The following CALN1 variants were observed in gnomAD, a reference collection of about 807,000 sequenced individuals.
CALN1 encodes calcium-binding protein 8.
Under a neutral mutation model 30.6 loss-of-function variants are expected in CALN1, and 17 were observed. That is an observed-to-expected ratio of 0.56 (90% CI 0.38 to 0.83). The LOEUF (loss-of-function observed/expected upper bound fraction) is 0.83. Among genes scored for constraint, CALN1 ranks in the 40% least tolerant of loss-of-function variants. CALN1 has a pLI of 0.00. For synonymous variants in CALN1, 156 were observed against 131.4 expected (o/e 1.19, Z -1.28); for missense variants, 291 against 354.9 (o/e 0.82, Z 1.45).
intron 5 of CALN1, among the ~76,000 whole-genome samples, chr7:71,920,474 T>C (rs1427437723): frequency 1.3e-5 from 2 of 151,654 alleles, no homozygotes; most frequent in African/African-American, 4.8e-5. Flanking sequence ...TAGCTGAGAC[T>C]GCAGGTGCCC....
At chr7:72,151,054 C>G (rs1053300774) in intron 3 of CALN1, among the ~76,000 whole-genome samples, 1 of 152,172 alleles carries the variant, frequency 6.6e-6, no homozygotes, top group African/African-American at 2.4e-5. Context: ...TAGATTCTCA[C>G]AAGCTCATCA....
intron 3 of CALN1, among the ~76,000 whole-genome samples, chr7:72,260,646 C>T (rs1220745693): frequency 6.6e-6 from 1 of 152,118 alleles, no homozygotes; most frequent in Non-Finnish European, 1.5e-5. Flanking sequence ...CAATCATGCA[C>T]CTGAAACCCT....
intron 5 of CALN1, among the ~76,000 whole-genome samples, chr7:71,980,338 C>T (rs549445488): frequency 1.3e-5 from 2 of 151,342 alleles, no homozygotes; most frequent in Non-Finnish European, 2.9e-5. Context: ...AGGTGTGCAC[C>T]ACCACGTCCA....
At chr7:71,984,531 G>C (rs965543264) in intron 5 of CALN1, among the ~76,000 whole-genome samples, 1 of 152,176 alleles carries the variant, frequency 6.6e-6, no homozygotes, top group African/African-American at 2.4e-5. Context: ...GAGAACATTT[G>C]GACCATGCTG....
intron 5 of CALN1, among the ~76,000 whole-genome samples, chr7:71,862,598 T>A (rs765146325): frequency 2.0e-5 from 3 of 152,242 alleles, no homozygotes; most frequent in Non-Finnish European, 2.9e-5. Context: ...GTCTCGGGTA[T>A]GTCTTTATTA....
At chr7:71,811,669 CTTTTTTCTT>C (rs1341282313) in intron 5 of CALN1, among the ~76,000 whole-genome samples, 4 of 121,214 alleles carry the variant, frequency 3.3e-5, no homozygotes, top group Non-Finnish European at 5.0e-5. Context: ...GTGTCGCTTT[CTTTTTTCTT>C]TTTTTTTTTT....
At chr7:72,345,137 T>C (rs1013139304) in intron 2 of CALN1, among the ~76,000 whole-genome samples, 1 of 149,714 alleles carries the variant, frequency 6.7e-6, no homozygotes, top group Non-Finnish European at 1.5e-5. Flanking sequence ...ATGTATTAGA[T>C]ACTATTATAC....
chr7:72,123,567 G>A (rs997618175), intron 3 of CALN1, among the ~76,000 whole-genome samples: 6 of 152,318 alleles, frequency 3.9e-5, no homozygotes, highest in East Asian at 3.9e-4. Flanking sequence ...GAGAGAATGC[G>A]AGACAACTTG....
rs901760456 is a variant in CALN1 at position 72,336,959 on chromosome 7, G to T, written c.120-58149C>A. 7.6e-5 allele frequency: 75 copies of T among 985,094 alleles called. 2 individuals carry two copies. The Middle Eastern group carries it at 2.6e-3, about 34-fold the overall frequency. 61.0% of individuals were successfully genotyped at this position (985,094 alleles called of 1,614,324 possible). A position where few individuals can be genotyped will look rare whatever the true frequency, so the allele number is the denominator to read the frequency against. On this transcript the variant is annotated intron_variant, in intron 2 of 6. Transcript: ENST00000395275. ...CCTGCACGAGCCCCCTCGTCGACTC[G>T]GAGCGCGATCTGGGCGCGTGCCTCC...
intron 2 of CALN1, among the ~76,000 whole-genome samples, chr7:72,341,022 G>C (rs1802356772): frequency 6.6e-6 from 1 of 151,914 alleles, no homozygotes; most frequent in Admixed American, 6.5e-5. Context: ...GTCTTTATCA[G>C]CAATGTGAAA....
At chr7:71,899,571 T>C (rs1216899110) in intron 5 of CALN1, among the ~76,000 whole-genome samples, 5 of 152,200 alleles carry the variant, frequency 3.3e-5, no homozygotes, top group Non-Finnish European at 7.3e-5. Context: ...TTCATGTTCC[T>C]GAATGGCAAA....
chr7:72,117,012 G>A (rs1210640475), intron 3 of CALN1, among the ~76,000 whole-genome samples: 3 of 152,018 alleles, frequency 2.0e-5, no homozygotes, highest in Non-Finnish European at 4.4e-5. Flanking sequence ...GGTCGTAGGG[G>A]GATTAAAAGA....
At chr7:72,299,328 T>C (rs939428705) in intron 2 of CALN1, among the ~76,000 whole-genome samples, 5 of 152,130 alleles carry the variant, frequency 3.3e-5, no homozygotes, top group African/African-American at 1.2e-4. Context: ...AACACTATCC[T>C]AGAAATTCTA....
chr7:72,478,887 C>CTTTTTTTTTTT, the CALN1 span, among the ~76,000 whole-genome samples: 2 of 139,378 alleles, frequency 1.4e-5, no homozygotes, highest in African/African-American at 5.8e-5. Flanking sequence ...CGAACCACTT[C>CTTTTTTTTTTT]TTTTTTTTTT....
At chr7:72,022,237 A>AAAGCCTC (rs1457868524) in intron 5 of CALN1, among the ~76,000 whole-genome samples, 3 of 152,230 alleles carry the variant, frequency 2.0e-5, no homozygotes, top group Non-Finnish European at 4.4e-5. Context: ...CTATTGAAAC[A>AAAGCCTC]AATAGTTATT....
chr7:71,988,702 G>A (rs1395802314), intron 5 of CALN1, among the ~76,000 whole-genome samples: 3 of 152,148 alleles, frequency 2.0e-5, no homozygotes. Flanking sequence ...ATGAGATCCA[G>A]GCACAGACGC....
At chr7:72,164,408 G>A (rs534395248) in intron 3 of CALN1, among the ~76,000 whole-genome samples, 11 of 150,950 alleles carry the variant, frequency 7.3e-5, no homozygotes, top group African/African-American at 2.7e-4. Context: ...AGAACGCCAT[G>A]TGATAATAAG....
chr7:72,489,852 T>C, the CALN1 span, among the ~76,000 whole-genome samples: 1 of 152,110 alleles, frequency 6.6e-6, no homozygotes, highest in Admixed American at 6.6e-5. Context: ...ACTCCCCAAT[T>C]CCAGGGCTGC....
intron 3 of CALN1, among the ~76,000 whole-genome samples, chr7:72,134,874 C>G (rs1408735761): frequency 2.6e-5 from 4 of 152,218 alleles, no homozygotes; most frequent in African/African-American, 9.6e-5. Context: ...TGGAGTCAAT[C>G]CTTTTAAGCC....
Sources: allele counts gnomAD v4.1 joint callset (sites outside exome capture counted in the v4.1 genomes callset), GRCh38; gene constraint gnomAD v4.1.1; transcripts MANE v1.5; gene names NCBI Gene and HGNC (gene_info 2026-07-23, HGNC 2026-07-21).